The following MPV17L variants were observed in gnomAD, a reference collection of about 807,000 sequenced individuals.
The protein encoded by MPV17L is MPV17 mitochondrial inner membrane protein like.
MPV17L carries 24 observed loss-of-function variants against 25.8 expected under a neutral mutation model. That is an observed-to-expected ratio of 0.93 (90% CI 0.67 to 1.31). MPV17L has a LOEUF of 1.31. MPV17L is among the 50% of genes most tolerant of loss of function. MPV17L has a pLI of 0.00. For missense variants in MPV17L, 250 were observed against 265.6 expected (o/e 0.94, Z 0.41); for synonymous variants, 102 against 115.3 (o/e 0.88, Z 0.74).
intron 2 of MPV17L, among the ~76,000 whole-genome samples, 200 bp from the exon 3 acceptor site, chr16:15,407,624 C>T (rs1314761214): frequency 2.0e-5 from 3 of 151,960 alleles, no homozygotes; most frequent in African/African-American, 7.2e-5. Context: ...TGCCTGTAAT[C>T]GCAGATACTC....
rs1598428267 is a variant in MPV17L, at chr16:15,409,191, A to C, written c.*1079A>C. The C allele has an allele frequency of 1.4e-5, 2 of 147,444 alleles. No individual in the cohort carries two copies. Among genetic ancestry groups the C allele is most frequent in the South Asian group, 2.1e-4 (1 of 4,704 alleles). The allele number at this position is 147,444 out of a possible 1,614,324, so 9.1% of individuals were successfully genotyped here. ...CTGTCTCCTGGGTTCAAACGATCCT[A>C]CTGCCTCATCCTTCGGAGTAGCTGG... On this transcript the variant is annotated 3_prime_UTR_variant, in exon 4 of 4. Coordinates refer to ENST00000396385, the MANE Select transcript of MPV17L (RefSeq NM_001128423.2).
chr16:15,408,742 A>T lies in MPV17L; in HGVS notation c.*630A>T, dbSNP rs564932375. 6.6e-6 allele frequency: 1 copy of T among 151,010 alleles called. No homozygotes were observed. The highest frequency in any genetic ancestry group is 6.7e-5 in the Admixed American group (1 of 14,978). 9.4% of individuals were successfully genotyped at this position (151,010 alleles called of 1,614,324 possible). On this transcript the variant is annotated 3_prime_UTR_variant, in exon 4 of 4. Transcript: ENST00000396385. Reference sequence around the variant, plus strand: ...CTCAGGCTCCTGAGTAGCTGGGATTACAGGCACGTGACACCAGGCCCAGCT... The same window carrying T: ...CTCAGGCTCCTGAGTAGCTGGGATTTCAGGCACGTGACACCAGGCCCAGCT...
At position 15,408,128 on chromosome 16, in the gene MPV17L, C is replaced by G; in HGVS notation, c.*16C>G. ...GAAGAAATGAGAAGTCAAGGACTCT[C>G]TTAAAGGGACCACATTTTTTACCTA... On this transcript the variant is annotated 3_prime_UTR_variant, in exon 4 of 4. Coordinates refer to ENST00000396385, the MANE Select transcript of MPV17L (RefSeq NM_001128423.2). The G allele has an allele frequency of 1.3e-6, 2 of 1,549,438 alleles. No homozygotes were observed. Among genetic ancestry groups the G allele is most frequent in the Non-Finnish European group, 1.8e-6 (2 of 1,142,702 alleles).
In MPV17L at chr16:15,409,387, C is replaced by T. The variant is rs1211970009; in HGVS notation, c.*1275C>T. 3 of 152,370 alleles carry T rather than the reference C, an allele frequency of 2.0e-5. No individual in the cohort carries two copies. Among genetic ancestry groups the T allele is most frequent in the African/African-American group, 7.2e-5 (3 of 41,424 alleles). 9.4% of individuals were successfully genotyped at this position (152,370 alleles called of 1,614,324 possible). ...AGATGGCCTGAAGTTACTGAAGATC[C>T]ACAGAAGTGAAAATAGCCTTAACTG... On this transcript the variant is annotated 3_prime_UTR_variant, in exon 4 of 4. Coordinates refer to ENST00000396385, the MANE Select transcript of MPV17L (RefSeq NM_001128423.2).
At chr16:15,406,416 A>G (rs1304398327) in intron 2 of MPV17L, among the ~76,000 whole-genome samples, 1 of 152,120 alleles carries the variant, frequency 6.6e-6, no homozygotes, top group Non-Finnish European at 1.5e-5. Context: ...GAAAACCTCT[A>G]GCTGTTTTTT....
intron 2 of MPV17L, among the ~76,000 whole-genome samples, chr16:15,403,647 G>C (rs1277421172): frequency 1.3e-5 from 2 of 148,998 alleles, no homozygotes; most frequent in African/African-American, 2.5e-5. Flanking sequence ...ACACCAGCCT[G>C]AGTGACAGAG....
At chr16:15,407,711 C>G in intron 2 of MPV17L, 113 bp from the exon 3 acceptor site, 1 of 1,008,016 alleles carries the variant, frequency 9.9e-7, no homozygotes, top group East Asian at 2.6e-5. Flanking sequence ...CACTGCACTC[C>G]AGTCTGGGCA....
rs752271141 is a variant in MPV17L at position 15,412,639 on chromosome 16, G to A, written c.*4527G>A. On this transcript the variant is annotated 3_prime_UTR_variant, in exon 4 of 4. Transcript: ENST00000396385. ...AGCCCAGGTTGGAGTGCAGTGTCGC[G>A]ATCTCGCCTCACTGCAACCTCTGTC... 6.0e-5 allele frequency: 9 copies of A among 149,426 alleles called. No homozygotes were observed. The highest frequency in any genetic ancestry group is 2.2e-4 in the African/African-American group (9 of 40,530). 9.3% of individuals were successfully genotyped at this position (149,426 alleles called of 1,614,324 possible).
rs1202632267 is a variant in MPV17L, at chr16:15,411,517, G to A, written c.*3405G>A. ...AAAAATTAGCCAAGCATGGTGGTGT[G>A]AGCCTGTAGTCCCAGCTACTTGGAA... is the stretch of plus-strand genomic sequence containing the variant. On this transcript the variant is annotated 3_prime_UTR_variant, in exon 4 of 4. Transcript: ENST00000396385. 2 of 152,118 alleles carry A rather than the reference G, an allele frequency of 1.3e-5. No individual in the cohort carries two copies. Among genetic ancestry groups the A allele is most frequent in the Non-Finnish European group, 2.9e-5 (2 of 68,024 alleles). The allele number at this position is 152,118 out of a possible 1,614,324, so 9.4% of individuals were successfully genotyped here.
chr16:15,401,087 T>TATATATATATATATATATA (rs376853780), intron 2 of MPV17L, among the ~76,000 whole-genome samples: 1 of 17,868 alleles, frequency 5.6e-5, no homozygotes, highest in Non-Finnish European at 1.2e-4. Flanking sequence ...TATATATATA[T>TATATATATATATATATATA]TTTTTTTTTT....
At chr16:15,399,295 T>C (rs1180503847) in intron 1 of MPV17L, 4 of 404,010 alleles carry the variant, frequency 9.9e-6, no homozygotes, top group South Asian at 1.9e-5. Context: ...AAAGCTCTTA[T>C]ATTCCCTCCC....
intron 2 of MPV17L, among the ~76,000 whole-genome samples, chr16:15,407,436 T>C (rs1411918779): frequency 6.6e-6 from 1 of 152,046 alleles, no homozygotes; most frequent in East Asian, 1.9e-4. Context: ...TGTGCAATTG[T>C]TTTGTGTGGT....
At position 15,399,926 on chromosome 16, in the gene MPV17L, T is replaced by C. The variant is rs1218843522; in HGVS notation, c.311-861T>C. ...TTCAAGCGATCCTTCTGCCTCAGCC[T>C]CTCAAGAACCTGGAATTACAGGCAT... On this transcript the variant is annotated intron_variant, in intron 1 of 3. Transcript: ENST00000396385. Among the ~76,000 whole-genome samples, 7 of 152,188 alleles carry C rather than the reference T, an allele frequency of 4.6e-5. No homozygotes were observed. The South Asian group carries it at 1.0e-3, about 23-fold the overall frequency.
intron 1 of MPV17L, 120 bp downstream of exon 1, chr16:15,396,327 G>T: frequency 7.7e-7 from 1 of 1,306,124 alleles, no homozygotes; most frequent in Non-Finnish European, 1.0e-6. Flanking sequence ...CCGGGCAGGA[G>T]CCGGGGCTCT....
chr16:15,413,117 A>G lies in MPV17L; in HGVS notation c.*5005A>G, dbSNP rs1232319226. The G allele has an allele frequency of 1.3e-5, 2 of 152,166 alleles. No individual in the cohort carries two copies. Among genetic ancestry groups the G allele is most frequent in the East Asian group, 3.9e-4 (2 of 5,192 alleles). 9.4% of individuals were successfully genotyped at this position (152,166 alleles called of 1,614,324 possible). ...ACAATATATTCTGGAGGCAGCTTTC[A>G]TTTGAAATTAGGTTCATCTTCTGAG... is the stretch of plus-strand genomic sequence containing the variant. On this transcript the variant is annotated 3_prime_UTR_variant, in exon 4 of 4. Transcript: ENST00000396385.
In MPV17L at chr16:15,411,396, A is replaced by C. The variant is rs1182669502; in HGVS notation, c.*3284A>C. 6.6e-6 allele frequency: 1 copy of C among 152,234 alleles called. No individual in the cohort carries two copies. Among genetic ancestry groups the C allele is most frequent in the African/African-American group, 2.4e-5 (1 of 41,440 alleles). The allele number at this position is 152,234 out of a possible 1,614,324, so 9.4% of individuals were successfully genotyped here. A position where few individuals can be genotyped will look rare whatever the true frequency, so the allele number is the denominator to read the frequency against. ...CATGATCGCTTATGTCTATAATCCA[A>C]GTGCTTTGGGAGGCGAAGGCAGGTG... is the stretch of plus-strand genomic sequence containing the variant. On this transcript the variant is annotated 3_prime_UTR_variant, in exon 4 of 4. Transcript: ENST00000396385.
chr16:15,400,338 TATG>T (rs2050621709), intron 1 of MPV17L, among the ~76,000 whole-genome samples: 1 of 151,204 alleles, frequency 6.6e-6, no homozygotes. Flanking sequence ...GAGTGGAGAT[TATG>T]TTTTCTTTTT....
At chr16:15,404,219 T>C (rs573490642) in intron 2 of MPV17L, among the ~76,000 whole-genome samples, 1 of 152,328 alleles carries the variant, frequency 6.6e-6, no homozygotes, top group South Asian at 2.1e-4. Flanking sequence ...CACCATGGTA[T>C]GCCTGGAGGG....
intron 2 of MPV17L, among the ~76,000 whole-genome samples, chr16:15,402,465 AG>A (rs1323918217): frequency 4.6e-5 from 7 of 152,156 alleles, no homozygotes. Context: ...GGATGGTACC[AG>A]GCCCCTGAGC....
Sources: gnomAD v4.1 joint callset for allele counts (sites outside exome capture counted in the v4.1 genomes callset) on GRCh38, gnomAD v4.1.1 for gene constraint, MANE v1.5 for transcripts, NCBI Gene and HGNC (gene_info 2026-07-23, HGNC 2026-07-21) for gene names.